C12orf56: variants seen among roughly 807,000 people sequenced by gnomAD.
The protein encoded by C12orf56 is uncharacterized protein C12orf56.
C12orf56 carries 71 observed loss-of-function variants against 69.9 expected under a neutral mutation model. The ratio of observed to expected loss-of-function variants is 1.02; its 90% CI spans 0.84 to 1.24. The LOEUF is 1.24. Ranked by LOEUF, C12orf56 falls within the 50% of genes most tolerant of loss-of-function variation. The pLI is 0.00. For missense variants in C12orf56, 732 were observed against 738.5 expected (o/e 0.99, Z 0.10); for synonymous variants, 276 against 274.1 (o/e 1.01, Z -0.07).
chr12:64,376,069 C>CA (rs60927256), intron 1 of C12orf56, among the ~76,000 whole-genome samples: 133,847 of 152,156 alleles, frequency 0.88, 59,322 homozygotes, highest in Middle Eastern at 0.95. Flanking sequence ...TGAGATGCAC[C>CA]AAAACTGCAA....
chr12:64,283,646 CTTT>C, intron 8 of C12orf56, among the ~76,000 whole-genome samples: 1 of 138,782 alleles, frequency 7.2e-6, no homozygotes, highest in African/African-American at 2.9e-5. Flanking sequence ...GCTTCTCTCT[CTTT>C]TTTTTTTTTT....
At chr12:64,386,554 G>A (rs569683053) in intron 1 of C12orf56, among the ~76,000 whole-genome samples, 25 of 152,030 alleles carry the variant, frequency 1.6e-4, no homozygotes, top group African/African-American at 4.8e-4. Context: ...GTGCCACCAC[G>A]CTTGGCTGAT....
chr12:64,284,816 C>T, intron 7 of C12orf56, 63 bp from the exon 8 acceptor site: 3 of 1,295,766 alleles, frequency 2.3e-6, no homozygotes, highest in Non-Finnish European at 3.2e-6. Flanking sequence ...CAGAATTCCA[C>T]AAAAGTAGTA....
intron 1 of C12orf56, among the ~76,000 whole-genome samples, chr12:64,373,767 A>G (rs2039604301): frequency 1.3e-5 from 2 of 152,208 alleles, no homozygotes; most frequent in South Asian, 4.1e-4. Context: ...GATTGAATCT[A>G]CCGATAATTT....
At position 64,390,582 on chromosome 12, in the gene C12orf56, G is replaced by A. The variant is rs749378148; in HGVS notation, c.-17C>T. ...GCTGGCCATGCCCGGCGCCCGCAGC[G>A]TGGCGGAGTGCTGGGACTCGAGGCC... On this transcript the variant is annotated 5_prime_UTR_variant, in exon 1 of 13. It adds an upstream start codon to the 5' untranslated region. Transcript: ENST00000543942. 2.6e-6 allele frequency: 4 copies of A among 1,541,236 alleles called. No individual in the cohort carries two copies. The highest frequency in any genetic ancestry group is 3.5e-6 in the Non-Finnish European group (4 of 1,151,130).
At chr12:64,316,229 G>T (rs375604105) in intron 4 of C12orf56, among the ~76,000 whole-genome samples, 1 of 151,728 alleles carries the variant, frequency 6.6e-6, no homozygotes, top group African/African-American at 2.4e-5. Flanking sequence ...TCAGCCTCCC[G>T]AGTACATGCA....
intron 4 of C12orf56, among the ~76,000 whole-genome samples, chr12:64,317,702 G>C (rs2038707125): frequency 6.6e-6 from 1 of 151,764 alleles, no homozygotes; most frequent in African/African-American, 2.4e-5. Context: ...AGAGGTTTCA[G>C]TGAGCCGAGA....
intron 5 of C12orf56, 51 bp downstream of exon 5, chr12:64,312,628 G>A: frequency 7.4e-7 from 1 of 1,346,048 alleles, no homozygotes; most frequent in Non-Finnish European, 1.0e-6. Flanking sequence ...GAGAGGCAAA[G>A]AGGAGAGAAA....
intron 2 of C12orf56, among the ~76,000 whole-genome samples, chr12:64,332,527 T>C (rs1196278067): frequency 4.6e-5 from 7 of 152,344 alleles, no homozygotes; most frequent in South Asian, 2.1e-4. Context: ...CTGTAGGCAC[T>C]TTGTATTTGT....
intron 1 of C12orf56, among the ~76,000 whole-genome samples, chr12:64,371,597 G>A (rs771024674): frequency 3.3e-5 from 5 of 152,008 alleles, no homozygotes; most frequent in African/African-American, 4.8e-5. Flanking sequence ...TTGGGAGGCC[G>A]AGGCAGGTGG....
At chr12:64,337,585 A>AG (rs2039012337) in intron 2 of C12orf56, among the ~76,000 whole-genome samples, 1 of 152,208 alleles carries the variant, frequency 6.6e-6, no homozygotes, top group Admixed American at 6.5e-5. Context: ...GACCAGGCAC[A>AG]GTGGCTCATG....
Position 64,274,908 on chromosome 12 carries a change from G to A in C12orf56, c.1577C>T (p.Pro526Leu), listed in dbSNP as rs755115419. 1.2e-6 allele frequency: 2 copies of A among 1,608,524 alleles called. No homozygotes were observed. The highest frequency in any genetic ancestry group is 1.7e-5 in the Admixed American group (1 of 59,948). Residue 526 changes from proline (P) to leucine (L), a missense_variant, in exon 11 of 13, where the codon CCT becomes CTT. Physicochemically the swap from Pro to Leu is moderately conservative, Grantham distance 98. Transcript: ENST00000543942. ...SWIMSFLQSC[P>L]PIITFVASIV... The stretch of plus-strand genomic sequence containing the variant: ...TGACTTCTAGATACTTACGATGGGA[G>A]GACAGCTTTGTAGAAAGGACATTAT...
intron 6 of C12orf56, among the ~76,000 whole-genome samples, chr12:64,297,531 CT>C (rs1327519116): frequency 6.6e-6 from 1 of 152,206 alleles, no homozygotes; most frequent in African/African-American, 2.4e-5. Flanking sequence ...TATCCCTCCC[CT>C]ATTCCCCCGT....
intron 1 of C12orf56, among the ~76,000 whole-genome samples, chr12:64,364,635 T>G (rs1432486620): frequency 6.6e-6 from 1 of 152,152 alleles, no homozygotes; most frequent in Non-Finnish European, 1.5e-5. Context: ...AAAAGGACAC[T>G]GTCAGTTTGT....
chr12:64,309,788 G>A (rs1403372785), intron 5 of C12orf56, among the ~76,000 whole-genome samples: 1 of 152,062 alleles, frequency 6.6e-6, no homozygotes, highest in African/African-American at 2.4e-5. Flanking sequence ...TGGGATTATA[G>A]GTGTGAGCCA....
At chr12:64,268,671 T>G (rs994592043) in intron 12 of C12orf56, among the ~76,000 whole-genome samples, 1 of 152,144 alleles carries the variant, frequency 6.6e-6, no homozygotes, top group African/African-American at 2.4e-5. Flanking sequence ...AACTATGGAA[T>G]TGTATATTTT....
intron 2 of C12orf56, among the ~76,000 whole-genome samples, chr12:64,347,519 CA>C (rs1424704574): frequency 6.6e-6 from 1 of 152,088 alleles, no homozygotes; most frequent in Non-Finnish European, 1.5e-5. Context: ...CTCCTGACTT[CA>C]TGATCCTTGG....
intron 1 of C12orf56, among the ~76,000 whole-genome samples, chr12:64,390,068 C>T (rs2039846784): frequency 6.6e-6 from 1 of 152,044 alleles, no homozygotes. Flanking sequence ...ACCTGTAGCC[C>T]TACGTGGGGT....
chr12:64,325,396 A>C (rs898318347), intron 3 of C12orf56, among the ~76,000 whole-genome samples: 6 of 148,528 alleles, frequency 4.0e-5, no homozygotes, highest in Non-Finnish European at 7.5e-5. Flanking sequence ...AGAAGAAAAG[A>C]AGCAGCAGCA....
Sources: gnomAD v4.1 joint callset for allele counts (sites outside exome capture counted in the v4.1 genomes callset) on GRCh38, gnomAD v4.1.1 for gene constraint, MANE v1.5 for transcripts, NCBI Gene and HGNC (gene_info 2026-07-23, HGNC 2026-07-21) for gene names.